Variants in PDE4D observed in about 807,000 individuals in gnomAD.
The protein encoded by PDE4D is phosphodiesterase 4D, also known as 3',5'-cyclic-AMP phosphodiesterase 4D.
Under a neutral mutation model 87.4 loss-of-function variants are expected in PDE4D, and 24 were observed. That is an observed-to-expected ratio of 0.27 (90% confidence interval 0.20 to 0.39). PDE4D has a LOEUF of 0.39. Ranked by LOEUF, PDE4D falls within the 10% of genes least tolerant of loss-of-function variation. The pLI, the probability that PDE4D is intolerant of heterozygous loss-of-function variation, is 1.00. For missense variants in PDE4D, 714 were observed against 1,041.0 expected (o/e 0.69, Z 4.32); for synonymous variants, 384 against 383.2 (o/e 1.00, Z -0.02).
chr5:58,988,487 A>T lies in PDE4D; in HGVS notation c.1552+6T>A. The T allele has an allele frequency of 7.8e-7, 1 of 1,277,972 alleles. No homozygotes were observed. The highest frequency in any genetic ancestry group is 1.1e-6 in the Non-Finnish European group (1 of 935,116). The allele number at this position is 1,277,972 out of a possible 1,614,324, so 79.2% of individuals were successfully genotyped here. On this transcript the variant is annotated splice_donor_region_variant and intron_variant, in intron 11 of 14. Coordinates refer to ENST00000340635, the MANE Select transcript of PDE4D (RefSeq NM_001104631.2). ...AATGTGTTCTGAAAAAATAAAGTTT[A>T]CTTACTTGTATTGATCAGAAATTGA...
At chr5:59,016,390 C>CTTT (rs35622981) in intron 6 of PDE4D, among the ~76,000 whole-genome samples, 45 of 78,532 alleles carry the variant, frequency 5.7e-4, no homozygotes, top group East Asian at 8.0e-4. Flanking sequence ...TCAGTCTGTT[C>CTTT]TTTTTTTTTT....
chr5:58,977,011 GAA>G (rs1352829060), intron 12 of PDE4D, among the ~76,000 whole-genome samples, 178 bp downstream of exon 12: 1 of 152,152 alleles, frequency 6.6e-6, no homozygotes, highest in East Asian at 1.9e-4. Flanking sequence ...CAAACTGCTA[GAA>G]GTGAAAAACC....
chr5:59,456,367 T>C (rs1371373209), intron 1 of PDE4D, among the ~76,000 whole-genome samples: 1 of 152,210 alleles, frequency 6.6e-6, no homozygotes, highest in African/African-American at 2.4e-5. Context: ...AAGCTCTCTC[T>C]TTGCTTGCTG....
At chr5:59,587,282 G>C (rs1231701949) in intron 1 of PDE4D, among the ~76,000 whole-genome samples, 1 of 152,198 alleles carries the variant, frequency 6.6e-6, no homozygotes, top group East Asian at 1.9e-4. Flanking sequence ...GAATTTCACA[G>C]CTGCAAGTCA....
intron 1 of PDE4D, among the ~76,000 whole-genome samples, chr5:60,360,217 A>C (rs1759946306): frequency 6.6e-6 from 1 of 152,220 alleles, no homozygotes; most frequent in Non-Finnish European, 1.5e-5. Flanking sequence ...GGCTTTTTGA[A>C]GTCATGTACC....
At chr5:59,060,745 T>C (rs1763006406) in intron 5 of PDE4D, among the ~76,000 whole-genome samples, 1 of 152,162 alleles carries the variant, frequency 6.6e-6, no homozygotes, top group Non-Finnish European at 1.5e-5. Flanking sequence ...GATTTGAATA[T>C]ATTGTGTGGT....
chr5:59,703,970 G>C (rs1752996679), intron 1 of PDE4D, among the ~76,000 whole-genome samples: 1 of 152,052 alleles, frequency 6.6e-6, no homozygotes, highest in African/African-American at 2.4e-5. Flanking sequence ...AAAAGAAAGA[G>C]GGAGAAAGTG....
At chr5:59,607,942 G>T (rs2150055963) in intron 1 of PDE4D, among the ~76,000 whole-genome samples, 1 of 152,248 alleles carries the variant, frequency 6.6e-6, no homozygotes, top group East Asian at 1.9e-4. Flanking sequence ...GGAGTAGGTA[G>T]GGAAGAGTGC....
chr5:59,745,405 C>T (rs1040930544), intron 1 of PDE4D, among the ~76,000 whole-genome samples: 1 of 152,090 alleles, frequency 6.6e-6, no homozygotes, highest in East Asian at 1.9e-4. Flanking sequence ...TTAAATGGGC[C>T]ACCCTGTATA....
At chr5:59,308,331 TAA>T (rs1771847421) in intron 1 of PDE4D, among the ~76,000 whole-genome samples, 1 of 151,434 alleles carries the variant, frequency 6.6e-6, no homozygotes, top group Non-Finnish European at 1.5e-5. Context: ...ATAATAATAA[TAA>T]TTTAAAAAAA....
chr5:60,166,293 C>T (rs1023436463), intron 2 of PDE4D, among the ~76,000 whole-genome samples: 3 of 151,924 alleles, frequency 2.0e-5, no homozygotes, highest in Non-Finnish European at 2.9e-5. Flanking sequence ...ACGAGGTTTC[C>T]ATAATTTTAA....
rs181352150 is a variant in PDE4D at position 60,404,147 on chromosome 5, C to T, written c.-90+83795G>A. On this transcript the variant is annotated intron_variant, in intron 1 of 16. Transcript: ENST00000502484. ...AAGTTATTTTGTGTACCCAGCACCC[C>T]GAGTCAGCCAATTCTTTTTTTTTTT... Among the ~76,000 whole-genome samples the T allele has an allele frequency of 1.7e-4, 25 of 148,922 alleles. No homozygotes were observed. In the East Asian group the frequency reaches 3.1e-3, roughly 19 times the overall value.
intron 1 of PDE4D, among the ~76,000 whole-genome samples, chr5:59,272,139 A>C (rs183096938): frequency 6.6e-6 from 1 of 152,082 alleles, no homozygotes. Context: ...TTATTTTCAG[A>C]TTACATAATG....
chr5:59,644,432 G>A (rs1365367626), intron 1 of PDE4D, among the ~76,000 whole-genome samples: 1 of 152,062 alleles, frequency 6.6e-6, no homozygotes, highest in Non-Finnish European at 1.5e-5. Context: ...ACTCATCTTT[G>A]GCCAGAACAA....
chr5:59,315,803 A>G (rs1773602507), intron 1 of PDE4D, among the ~76,000 whole-genome samples: 1 of 152,140 alleles, frequency 6.6e-6, no homozygotes, highest in Admixed American at 6.5e-5. Flanking sequence ...CATAACTACA[A>G]CCACCAAATG....
At chr5:59,477,372 A>AT (rs199598936) in intron 1 of PDE4D, among the ~76,000 whole-genome samples, 17,706 of 133,996 alleles carry the variant, frequency 0.13, 1,308 homozygotes, top group Admixed American at 0.18. Flanking sequence ...AAAAAAAAAA[A>AT]AATTAAAGAA....
At chr5:60,406,514 T>C (rs1028707233) in intron 1 of PDE4D, among the ~76,000 whole-genome samples, 1 of 152,298 alleles carries the variant, frequency 6.6e-6, no homozygotes, top group African/African-American at 2.4e-5. Context: ...CAAATTGATA[T>C]ATAGTCCTCA....
chr5:59,478,962 A>ATGTGCATAACTGTATGCTCATAGTAACC (rs1668301687), intron 1 of PDE4D, among the ~76,000 whole-genome samples: 2 of 152,104 alleles, frequency 1.3e-5, no homozygotes, highest in African/African-American at 4.8e-5. Context: ...AGGTTCAATG[A>ATGTGCATAACTGTATGCTCATAGTAACC]TGTGCATAAC....
intron 1 of PDE4D, among the ~76,000 whole-genome samples, chr5:59,384,771 T>A (rs888040876): frequency 5.3e-5 from 8 of 151,578 alleles, no homozygotes; most frequent in African/African-American, 1.9e-4. Flanking sequence ...TATACTGGGT[T>A]TTTTTTTCTT....
Sources: allele counts gnomAD v4.1 joint callset (sites outside exome capture counted in the v4.1 genomes callset), GRCh38; gene constraint gnomAD v4.1.1; transcripts MANE v1.5; gene names NCBI Gene and HGNC (gene_info 2026-07-23, HGNC 2026-07-21).